Variants in CNTNAP5 observed in about 807,000 individuals in gnomAD.
CNTNAP5 encodes contactin-associated protein-like 5.
A neutral mutation model predicts 150.2 loss-of-function variants in CNTNAP5; 72 were observed. The observed-to-expected ratio is 0.48, with a 90% CI of 0.40 to 0.58. CNTNAP5 has a LOEUF of 0.58. CNTNAP5 is among the 20% of genes least tolerant of loss of function. The pLI, the probability that CNTNAP5 is intolerant of heterozygous loss-of-function variation, is 0.00. For synonymous variants in CNTNAP5, 672 were observed against 619.8 expected (o/e 1.08, Z -1.25); for missense variants, 1,636 against 1,626.2 (o/e 1.01, Z -0.10).
intron 1 of CNTNAP5, among the ~76,000 whole-genome samples, chr2:124,094,234 A>T (rs1682881039): frequency 6.6e-6 from 1 of 152,250 alleles, no homozygotes. Context: ...ACATGCAGTA[A>T]TCAGCATTTC....
At chr2:124,272,716 T>C (rs139362790) in intron 3 of CNTNAP5, among the ~76,000 whole-genome samples, 78 of 152,334 alleles carry the variant, frequency 5.1e-4, no homozygotes, top group African/African-American at 1.8e-3. Context: ...GATAACAGTA[T>C]CTGCCTGACA....
intron 13 of CNTNAP5, among the ~76,000 whole-genome samples, chr2:124,731,510 A>T (rs1248888879): frequency 1.3e-5 from 2 of 151,946 alleles, no homozygotes; most frequent in Non-Finnish European, 2.9e-5. Flanking sequence ...ATATGGGGAG[A>T]TCAGAGGGAA....
At chr2:124,229,896 T>A (rs560469836) in intron 2 of CNTNAP5, among the ~76,000 whole-genome samples, 1 of 100,068 alleles carries the variant, frequency 1.0e-5, no homozygotes, top group East Asian at 3.2e-4. Context: ...CTATTGCATG[T>A]TTTTTTTTTC....
In CNTNAP5 at chr2:124,206,649, A is replaced by G. The variant is rs113692731; in HGVS notation, c.83-15056A>G. ...GTGCTCCAGGCTCTTGATGATCTAC[A>G]TGTGGTTCATGGGCCAGCGGCATCA... is the stretch of plus-strand genomic sequence containing the variant. On this transcript the variant is annotated intron_variant, in intron 1 of 23. Transcript: ENST00000682447. Among the ~76,000 whole-genome samples the G allele has an allele frequency of 4.8e-4, 73 of 152,294 alleles. 1 individual carries two copies. Among genetic ancestry groups the G allele is most frequent in the Admixed American group, 2.8e-3 (43 of 15,308 alleles).
At chr2:124,355,899 T>C (rs1689986819) in intron 3 of CNTNAP5, among the ~76,000 whole-genome samples, 2 of 152,184 alleles carry the variant, frequency 1.3e-5, no homozygotes, top group Non-Finnish European at 2.9e-5. Context: ...CTTTGGAATA[T>C]CTAGTGTCTA....
At chr2:124,313,760 G>T (rs940308052) in intron 3 of CNTNAP5, among the ~76,000 whole-genome samples, 1 of 152,188 alleles carries the variant, frequency 6.6e-6, no homozygotes. Flanking sequence ...CCCATGGAGA[G>T]TAATGTGGAA....
intron 12 of CNTNAP5, among the ~76,000 whole-genome samples, chr2:124,623,502 G>A (rs1677659216): frequency 6.6e-6 from 1 of 152,156 alleles, no homozygotes; most frequent in African/African-American, 2.4e-5. Flanking sequence ...ATTACTTTGT[G>A]GGGACATGAG....
At chr2:124,463,900 G>A (rs1693314149) in intron 6 of CNTNAP5, among the ~76,000 whole-genome samples, 2 of 152,020 alleles carry the variant, frequency 1.3e-5, no homozygotes, top group South Asian at 4.1e-4. Flanking sequence ...TGGCTCCAAG[G>A]TCTCAGTCAA....
rs183671168 is a variant in CNTNAP5, at chr2:124,896,786, G to A, written c.3437-6096G>A. Reference sequence around the variant, plus strand: ...ACTCATGACTTCAGGTGATCCACACGCTTCGGCCTCCCAAAATTCTGGGAT... The same window carrying A: ...ACTCATGACTTCAGGTGATCCACACACTTCGGCCTCCCAAAATTCTGGGAT... On this transcript the variant is annotated intron_variant, in intron 21 of 23. Coordinates refer to ENST00000682447, the MANE Select transcript of CNTNAP5 (RefSeq NM_001367498.1). Among the ~76,000 whole-genome samples, 72 of 151,632 alleles carry A rather than the reference G, an allele frequency of 4.7e-4. 3 individuals are homozygous for A. The highest frequency in any genetic ancestry group is 1.5e-3 in the African/African-American group (61 of 41,004).
chr2:124,572,528 T>A (rs763854919), intron 11 of CNTNAP5, among the ~76,000 whole-genome samples: 2 of 152,084 alleles, frequency 1.3e-5, no homozygotes, highest in African/African-American at 4.8e-5. Flanking sequence ...AGGCTGGACT[T>A]GGGGAGTCAG....
intron 3 of CNTNAP5, among the ~76,000 whole-genome samples, chr2:124,374,492 T>A (rs1325922311): frequency 6.6e-6 from 1 of 152,116 alleles, no homozygotes; most frequent in Non-Finnish European, 1.5e-5. Context: ...CATACTCTGT[T>A]CAAAATTTGA....
At chr2:124,655,891 C>A (rs562320837) in intron 13 of CNTNAP5, among the ~76,000 whole-genome samples, 31 of 143,736 alleles carry the variant, frequency 2.2e-4, no homozygotes, top group Non-Finnish European at 2.7e-4. Context: ...ACACGTGAGA[C>A]CTCAACTGGA....
chr2:124,125,286 T>G (rs879022529), intron 1 of CNTNAP5, among the ~76,000 whole-genome samples: 1 of 152,040 alleles, frequency 6.6e-6, no homozygotes, highest in Non-Finnish European at 1.5e-5. Flanking sequence ...AAACAGACTT[T>G]AAACCAACAA....
chr2:124,028,012 T>C (rs1174155788), intron 1 of CNTNAP5, among the ~76,000 whole-genome samples: 1 of 152,208 alleles, frequency 6.6e-6, no homozygotes, highest in African/African-American at 2.4e-5. Flanking sequence ...TATTTTTATC[T>C]ATAATCAATT....
chr2:124,805,959 T>A (rs2104650835), intron 19 of CNTNAP5, among the ~76,000 whole-genome samples: 1 of 152,272 alleles, frequency 6.6e-6, no homozygotes, highest in Non-Finnish European at 1.5e-5. Flanking sequence ...CTGAATTACT[T>A]TGTTAGAGGC....
intron 1 of CNTNAP5, among the ~76,000 whole-genome samples, chr2:124,066,001 C>T (rs1288206478): frequency 4.6e-5 from 7 of 152,106 alleles, no homozygotes. Context: ...AGTGGATATG[C>T]TCTCGAGGTA....
chr2:124,907,618 T>C (rs2104764955), intron 22 of CNTNAP5, among the ~76,000 whole-genome samples: 1 of 150,142 alleles, frequency 6.7e-6, no homozygotes, highest in East Asian at 2.0e-4. Context: ...TCTATATATA[T>C]GATATAAATA....
At chr2:124,440,772 T>C (rs1282077128) in intron 5 of CNTNAP5, among the ~76,000 whole-genome samples, 2 of 152,126 alleles carry the variant, frequency 1.3e-5, no homozygotes, top group African/African-American at 4.8e-5. Flanking sequence ...ATTTCCCTTA[T>C]CTATTTCTGT....
At chr2:124,600,465 TA>T (rs11332637) in intron 11 of CNTNAP5, among the ~76,000 whole-genome samples, 140,891 of 152,092 alleles carry the variant, frequency 0.93, 66,258 homozygotes, top group East Asian at 1. Context: ...ATGATGTGTG[TA>T]AATCTACAGT....
Sources: allele counts gnomAD v4.1 joint callset (sites outside exome capture counted in the v4.1 genomes callset), GRCh38; gene constraint gnomAD v4.1.1; transcripts MANE v1.5; gene names NCBI Gene and HGNC (gene_info 2026-07-23, HGNC 2026-07-21).